SERPINB4: variants seen among roughly 807,000 people sequenced by gnomAD.
SERPINB4 encodes serpin B4.
A neutral mutation model predicts 33.2 loss-of-function variants in SERPINB4; 39 were observed. That is an observed-to-expected ratio of 1.18 (90% confidence interval 0.91 to 1.53). The LOEUF (loss-of-function observed/expected upper bound fraction) is 1.53, where lower values mean the gene tolerates loss of function less well. Ranked by LOEUF, SERPINB4 falls within the 40% of genes most tolerant of loss-of-function variation. The pLI is 0.00. For synonymous variants in SERPINB4, 191 were observed against 166.4 expected, an observed-to-expected ratio of 1.15 and a Z score of -1.14; for missense variants, 564 against 455.4, an observed-to-expected ratio of 1.24 and a Z score of -2.17.
intron 4 of SERPINB4, 33 bp from the exon 5 acceptor site, chr18:63,641,024 G>T: frequency 6.4e-7 from 1 of 1,561,668 alleles, no homozygotes; most frequent in South Asian, 1.1e-5. Flanking sequence ...TAGGAATTAG[G>T]AGTAATTTAT....
In SERPINB4 at chr18:63,643,570, G is replaced by A. The variant is rs753383310; in HGVS notation, c.8C>T (p.Ser3Leu). 5.0e-6 allele frequency: 8 copies of A among 1,613,408 alleles called. No individual in the cohort carries two copies. In the South Asian group the frequency reaches 8.8e-5, roughly 18 times the overall value. ...GAACTTGGTGTTGGCTTCACTGAGT[G>A]AATTCATGGTGAACTCGATGTGATC... MN[S>L]LSEANTKFMF... is the part of the protein sequence containing the mutation. The change falls in exon 2 of 8, where the codon TCA becomes TTA. Residue 3 changes from serine to leucine, a missense_variant. Coordinates refer to ENST00000341074, the MANE Select transcript of SERPINB4 (RefSeq NM_002974.4).
In SERPINB4 at chr18:63,637,713, T is replaced by C. The variant is rs1912972254; in HGVS notation, c.*6A>G. ...TTTTCTAAATGGAGTGACAGACTAA[T>C]TGCATCTATGGGGATGAGAATCTGC... is the stretch of plus-strand genomic sequence containing the variant. On this transcript the variant is annotated 3_prime_UTR_variant, in exon 8 of 8. Transcript: ENST00000341074. 1.3e-6 allele frequency: 2 copies of C among 1,589,704 alleles called. No homozygotes were observed. Among genetic ancestry groups the C allele is most frequent in the South Asian group, 2.3e-5 (2 of 86,472 alleles).
intron 3 of SERPINB4, among the ~76,000 whole-genome samples, chr18:63,642,623 A>G (rs1300484866): frequency 1.3e-5 from 2 of 152,088 alleles, no homozygotes; most frequent in Non-Finnish European, 2.9e-5. Context: ...TTCCATAGCA[A>G]TCATTTTCCA....
At chr18:63,638,835 T>C (rs923188506) in intron 7 of SERPINB4, among the ~76,000 whole-genome samples, 27 of 137,916 alleles carry the variant, frequency 2.0e-4, no homozygotes, top group Non-Finnish European at 3.0e-4. Context: ...GGGGGAGGGA[T>C]AGCATTAGGA....
chr18:63,639,521 A>G, intron 6 of SERPINB4, 113 bp downstream of exon 6: 1 of 1,022,148 alleles, frequency 9.8e-7, no homozygotes, highest in African/African-American at 1.6e-5. Flanking sequence ...AAACAACAAA[A>G]TAACAGACAT....
At position 63,640,930 on chromosome 18, in the gene SERPINB4, T is replaced by C. The variant is rs748237263; in HGVS notation, c.413A>G (p.Asn138Ser). The C allele has an allele frequency of 4.3e-6, 7 of 1,612,974 alleles. No individual in the cohort carries two copies. Among genetic ancestry groups the C allele is most frequent in the Non-Finnish European group, 5.9e-6 (7 of 1,179,328 alleles). Residue 138 changes from asparagine to serine, a missense_variant, in exon 5 of 8, where the codon AAT (asparagine) becomes AGT (serine). By Grantham distance (46) the Asn-to-Ser change is conservative (BLOSUM62 1). Coordinates refer to ENST00000341074, the MANE Select transcript of SERPINB4 (RefSeq NM_002974.4). Reference sequence around the variant, plus strand: ...CTTCTTTCGACTTTCTTCTGGAGCATTTGCAAAATCAGTAGATTCCACACT... The same window carrying C: ...CTTCTTTCGACTTTCTTCTGGAGCACTTGCAAAATCAGTAGATTCCACACT... ...QTSVESTDFANAPEESRKKIN... is the reference protein window; with the variant it reads ...QTSVESTDFASAPEESRKKIN...
chr18:63,642,739 A>C (rs1359446801), intron 3 of SERPINB4, among the ~76,000 whole-genome samples: 1 of 152,094 alleles, frequency 6.6e-6, no homozygotes, highest in East Asian at 1.9e-4. Flanking sequence ...GCTACTTTAT[A>C]ATAATAATAA....
Position 63,639,326 on chromosome 18 carries a change from A to G in SERPINB4, c.627T>C (p.Ser209=), listed in dbSNP as rs1421230285. 1 of 1,607,380 alleles carries G rather than the reference A, an allele frequency of 6.2e-7. No individual in the cohort carries two copies. ...AATTGTATTGCCTCATCATCTGTAC[A>G]GATTTGTATGTATTCTGCAATAAAT... is the stretch of plus-strand genomic sequence containing the variant. ...KFWPNKNTYK[S]VQMMRQYNSF... The change falls in exon 7 of 8, where the codon TCT becomes TCC. Residue 209 remains serine (S), a synonymous_variant. Coordinates refer to ENST00000341074, the MANE Select transcript of SERPINB4 (RefSeq NM_002974.4).
chr18:63,637,560 G>A lies in SERPINB4; in HGVS notation c.*159C>T, dbSNP rs1380314274. ...GGCTTATTAAGAGAAAGAGAGAAAG[G>A]CATGCTATTTTAATCATTAAATTCT... On this transcript the variant is annotated 3_prime_UTR_variant, in exon 8 of 8. Coordinates refer to ENST00000341074, the MANE Select transcript of SERPINB4 (RefSeq NM_002974.4). 11 of 717,162 alleles carry A rather than the reference G, an allele frequency of 1.5e-5. No individual in the cohort carries two copies. Among genetic ancestry groups the A allele is most frequent in the African/African-American group, 3.6e-5 (2 of 55,360 alleles). 44.4% of individuals were successfully genotyped at this position (717,162 alleles called of 1,614,324 possible).
At chr18:63,639,581 T>A in intron 6 of SERPINB4, 53 bp downstream of exon 6, 1 of 1,241,590 alleles carries the variant, frequency 8.1e-7, no homozygotes, top group Non-Finnish European at 1.1e-6. Context: ...CAGAAATGTT[T>A]AACATTCCAT....
chr18:63,638,182 A>C (rs1423853202), intron 7 of SERPINB4, 59 bp from the exon 8 acceptor site: 2 of 1,542,854 alleles, frequency 1.3e-6, no homozygotes, highest in South Asian at 1.3e-5. Context: ...ATACACCTTA[A>C]CAATGAATTG....
Position 63,637,828 on chromosome 18 carries a change from G to A in SERPINB4, c.1064C>T (p.Ser355Leu), listed in dbSNP as rs2144460852. Reference sequence around the variant, plus strand: ...GAACTCTTCATTAGTTGAAGGAGATGATAATTCGACTACTACTACAGCGGT... The same window carrying A: ...GAACTCTTCATTAGTTGAAGGAGATAATAATTCGACTACTACTACAGCGGT... ...AATAVVVVEL[S>L]SPSTNEEFCC... Residue 355 changes from serine (S) to leucine (L), a missense_variant, in exon 8 of 8, where the codon TCA (serine) becomes TTA (leucine). By Grantham distance (145) the Ser-to-Leu change is moderately radical (BLOSUM62 -2). Transcript: ENST00000341074. 6.2e-7 allele frequency: 1 copy of A among 1,613,556 alleles called. No homozygotes were observed. The highest frequency in any genetic ancestry group is 8.5e-7 in the Non-Finnish European group (1 of 1,179,696).
intron 7 of SERPINB4, 145 bp downstream of exon 7, chr18:63,639,039 TA>T: frequency 1.1e-6 from 1 of 907,452 alleles, no homozygotes; most frequent in Non-Finnish European, 1.6e-6. Flanking sequence ...CAAATATTTG[TA>T]ATATGAAGGT....
Position 63,638,057 on chromosome 18 carries a change from A to C in SERPINB4, c.835T>G (p.Cys279Gly). ...AACCGAGGTAAGTGTAAATCGACACATGTCTCTCTCATATTCTGCAAACTT... is the reference window on the plus strand; with the variant it reads ...AACCGAGGTAAGTGTAAATCGACACCTGTCTCTCTCATATTCTGCAAACTT... Reference protein sequence around the residue: ...WTSLQNMRETCVDLHLPRFKM... With the variant: ...WTSLQNMRETGVDLHLPRFKM... The change falls in exon 8 of 8, where the codon TGT becomes GGT. Residue 279 changes from cysteine (C) to glycine (G), a missense_variant. Cys to Gly is a radical substitution (Grantham distance 159). Coordinates refer to ENST00000341074, the MANE Select transcript of SERPINB4 (RefSeq NM_002974.4). 1.2e-6 allele frequency: 2 copies of C among 1,612,900 alleles called. No individual in the cohort carries two copies. Among genetic ancestry groups the C allele is most frequent in the South Asian group, 1.1e-5 (1 of 91,062 alleles).
chr18:63,640,943 T>C lies in SERPINB4; in HGVS notation c.400A>G (p.Thr134Ala), dbSNP rs1448356421. The C allele has an allele frequency of 1.4e-5, 22 of 1,612,762 alleles. No individual in the cohort carries two copies. The highest frequency in any genetic ancestry group is 6.7e-5 in the East Asian group (3 of 44,866). The part of the protein sequence containing the change: ...KKFYQTSVES[T>A]DFANAPEESR... ...TCTTCTGGAGCATTTGCAAAATCAG[T>C]AGATTCCACACTGGTCTGGTAAAAT... The change falls in exon 5 of 8, where the codon ACT (threonine) becomes GCT (alanine). Residue 134 changes from threonine to alanine, a missense_variant. By Grantham distance (58) the Thr-to-Ala change is moderately conservative. Transcript: ENST00000341074.
chr18:63,643,526 G>A lies in SERPINB4; in HGVS notation c.52C>T (p.Gln18Ter), dbSNP rs1000643908. 6.2e-7 allele frequency: 1 copy of A among 1,613,676 alleles called. No individual in the cohort carries two copies. The highest frequency in any genetic ancestry group is 8.5e-7 in the Non-Finnish European group (1 of 1,179,702). Residue 18 changes from glutamine to a stop codon, truncating the protein, a stop_gained, in exon 2 of 8, where the codon CAG becomes TAG. Coordinates refer to ENST00000341074, the MANE Select transcript of SERPINB4 (RefSeq NM_002974.4). LOFTEE classifies it high-confidence loss of function. ...TTGTTCTCTTTTGATTTTCTGAACT[G>A]TTGGAACAGATCGAACATGAACTTG... ...NTKFMFDLFQ[Q>*]FRKSKENNIF...
intron 2 of SERPINB4, 92 bp downstream of exon 2, chr18:63,643,321 C>T (rs1378234870): frequency 6.2e-7 from 1 of 1,608,410 alleles, no homozygotes; most frequent in Non-Finnish European, 8.5e-7. Context: ...CTGTGCTACC[C>T]ATCAGACCAC....
At chr18:63,639,560 T>C in intron 6 of SERPINB4, 74 bp downstream of exon 6, 1 of 1,125,004 alleles carries the variant, frequency 8.9e-7, no homozygotes, top group Admixed American at 2.2e-5. Context: ...ACTTATCATG[T>C]TACATTCCAT....
intron 3 of SERPINB4, 109 bp from the exon 4 acceptor site, chr18:63,641,997 C>A: frequency 1.4e-6 from 2 of 1,475,810 alleles, no homozygotes; most frequent in Admixed American, 1.8e-5. Context: ...TCATTGAGGA[C>A]CTTTGATGTT....
Sources: allele counts gnomAD v4.1 joint callset (sites outside exome capture counted in the v4.1 genomes callset), GRCh38; gene constraint gnomAD v4.1.1; transcripts MANE v1.5; gene names NCBI Gene and HGNC (gene_info 2026-07-23, HGNC 2026-07-21).